The following SEMA6D variants were observed in gnomAD, a reference collection of about 807,000 sequenced individuals.
The protein encoded by SEMA6D is semaphorin 6D.
Under a neutral mutation model 106.6 loss-of-function variants are expected in SEMA6D, and 35 were observed. The observed-to-expected ratio is 0.33, with a 90% confidence interval of 0.25 to 0.44. The LOEUF (loss-of-function observed/expected upper bound fraction) is 0.44. Ranked by LOEUF, SEMA6D falls within the 20% of genes least tolerant of loss-of-function variation. SEMA6D has a pLI of 1.00. For missense variants in SEMA6D, 1,185 were observed against 1,345.9 expected (o/e 0.88, Z 1.87); for synonymous variants, 499 against 487.7 (o/e 1.02, Z -0.31).
chr15:47,634,183 T>G (rs1445343395), intron 4 of SEMA6D, among the ~76,000 whole-genome samples: 1 of 152,132 alleles, frequency 6.6e-6, no homozygotes, highest in East Asian at 1.9e-4. Flanking sequence ...TAACTTTCTG[T>G]TGGGCACCAC....
chr15:47,289,127 C>T (rs778476113), intron 1 of SEMA6D, among the ~76,000 whole-genome samples: 7 of 151,996 alleles, frequency 4.6e-5, no homozygotes, highest in Non-Finnish European at 7.4e-5. Context: ...AAAAGGTGAG[C>T]TAACACGCCT....
At chr15:47,373,787 A>G (rs2039357975) in intron 1 of SEMA6D, among the ~76,000 whole-genome samples, 1 of 152,192 alleles carries the variant, frequency 6.6e-6, no homozygotes, top group African/African-American at 2.4e-5. Flanking sequence ...GTTGTTTTCT[A>G]ATTGTTACCA....
At chr15:47,601,858 C>G (rs552084267) in intron 4 of SEMA6D, among the ~76,000 whole-genome samples, 33 of 152,234 alleles carry the variant, frequency 2.2e-4, no homozygotes, top group Admixed American at 1.1e-3. Context: ...CTGTTACTTA[C>G]TATGTTAATT....
intron 2 of SEMA6D, among the ~76,000 whole-genome samples, chr15:47,415,066 A>G (rs2040916597): frequency 1.3e-5 from 2 of 152,184 alleles, no homozygotes; most frequent in African/African-American, 4.8e-5. Flanking sequence ...ATTGCTAGAA[A>G]GTTGATTCCT....
At chr15:47,221,199 A>G (rs1343616278) in intron 1 of SEMA6D, among the ~76,000 whole-genome samples, 1 of 152,154 alleles carries the variant, frequency 6.6e-6, no homozygotes, top group East Asian at 1.9e-4. Flanking sequence ...AGGAAAATAG[A>G]TTTTCCTTCC....
chr15:47,523,761 G>A (rs959092332), intron 3 of SEMA6D, among the ~76,000 whole-genome samples: 2 of 152,162 alleles, frequency 1.3e-5, no homozygotes, highest in African/African-American at 4.8e-5. Context: ...TCCTCTAAGT[G>A]TAAAAGGAGC....
At chr15:47,341,776 G>C (rs1428666011) in intron 1 of SEMA6D, among the ~76,000 whole-genome samples, 3 of 152,020 alleles carry the variant, frequency 2.0e-5, no homozygotes, top group African/African-American at 7.2e-5. Context: ...ATAGCTATAG[G>C]GCTTCAGAGG....
intron 4 of SEMA6D, among the ~76,000 whole-genome samples, chr15:47,642,071 C>T (rs2077499105): frequency 6.6e-6 from 1 of 152,130 alleles, no homozygotes; most frequent in Non-Finnish European, 1.5e-5. Context: ...TGATCTGTTT[C>T]CCCAGCCTTC....
intron 3 of SEMA6D, among the ~76,000 whole-genome samples, chr15:47,552,121 A>G (rs2045714118): frequency 6.6e-6 from 1 of 152,170 alleles, no homozygotes; most frequent in South Asian, 2.1e-4. Flanking sequence ...TAAGTGCCCA[A>G]TAGTAGAAGA....
intron 1 of SEMA6D, chr15:47,718,770 C>CA (rs1423733302): frequency 6.6e-6 from 1 of 152,242 alleles, no homozygotes; most frequent in African/African-American, 2.4e-5. Flanking sequence ...AAGGAAGAGT[C>CA]AATTTTGCTG....
chr15:47,744,201 G>A (rs1370370084), intron 1 of SEMA6D, among the ~76,000 whole-genome samples: 2 of 152,126 alleles, frequency 1.3e-5, no homozygotes, highest in African/African-American at 4.8e-5. Flanking sequence ...TCTAAGGTCA[G>A]CTTTAAGGAC....
At chr15:47,273,171 G>C (rs867978615) in intron 1 of SEMA6D, among the ~76,000 whole-genome samples, 1 of 151,932 alleles carries the variant, frequency 6.6e-6, no homozygotes, top group Non-Finnish European at 1.5e-5. Context: ...TGTGCTCTTA[G>C]TTTTGCCTTT....
chr15:47,681,708 CCT>C (rs1479413696), intron 4 of SEMA6D, among the ~76,000 whole-genome samples: 21 of 152,286 alleles, frequency 1.4e-4, no homozygotes, highest in East Asian at 3.9e-4. Flanking sequence ...TAATAATTAA[CCT>C]CTCCAGTCCT....
chr15:47,468,972 C>A (rs185412027), intron 2 of SEMA6D, among the ~76,000 whole-genome samples: 4 of 152,238 alleles, frequency 2.6e-5, no homozygotes, highest in Admixed American at 2.6e-4. Flanking sequence ...TTTTCATTGG[C>A]CCCTGAACTC....
At chr15:47,275,885 C>T (rs1023457969) in intron 1 of SEMA6D, among the ~76,000 whole-genome samples, 1 of 152,004 alleles carries the variant, frequency 6.6e-6, no homozygotes, top group Admixed American at 6.6e-5. Flanking sequence ...AATCAAGTGT[C>T]GAAAGCAAAG....
intron 4 of SEMA6D, among the ~76,000 whole-genome samples, chr15:47,620,991 C>T (rs138140302): frequency 3.3e-5 from 5 of 151,898 alleles, no homozygotes; most frequent in African/African-American, 9.7e-5. Flanking sequence ...GAAGAACACA[C>T]AGGGTGATAT....
chr15:47,581,274 G>C, intron 3 of SEMA6D: 1 of 456,744 alleles, frequency 2.2e-6, no homozygotes, highest in Non-Finnish European at 4.3e-6. Context: ...TTCTCCATAA[G>C]TCCTGTGGTT....
At chr15:47,515,507 A>G (rs2044360181) in intron 3 of SEMA6D, among the ~76,000 whole-genome samples, 2 of 152,206 alleles carry the variant, frequency 1.3e-5, no homozygotes, top group East Asian at 1.9e-4. Context: ...GATGAATGCA[A>G]TAGAGATATT....
At chr15:47,405,652 C>T (rs2040540416) in intron 1 of SEMA6D, among the ~76,000 whole-genome samples, 1 of 152,168 alleles carries the variant, frequency 6.6e-6, no homozygotes, top group African/African-American at 2.4e-5. Context: ...TCTCGTGTTG[C>T]CTGAAGGCGT....
Sources: allele counts gnomAD v4.1 joint callset (sites outside exome capture counted in the v4.1 genomes callset), GRCh38; gene constraint gnomAD v4.1.1; transcripts MANE v1.5; gene names NCBI Gene and HGNC (gene_info 2026-07-23, HGNC 2026-07-21).